TRIO: variants seen among roughly 807,000 people sequenced by gnomAD.
The protein encoded by TRIO is triple functional domain protein.
In TRIO, 58 loss-of-function variants were observed where a neutral mutation model predicts 351.9. The observed-to-expected ratio is 0.16, with a 90% CI of 0.13 to 0.21. The LOEUF is 0.21. TRIO is among the 10% of genes least tolerant of loss of function. The pLI is 1.00. For synonymous variants in TRIO, 1,758 were observed against 1,595.7 expected, an observed-to-expected ratio of 1.10 and a Z score of -2.42; for missense variants, 3,201 against 4,027.8, an observed-to-expected ratio of 0.79 and a Z score of 5.56.
At chr5:14,498,800 A>T in intron 53 of TRIO, 160 bp downstream of exon 53, 1 of 1,125,424 alleles carries the variant, frequency 8.9e-7, no homozygotes, top group South Asian at 1.6e-5. Flanking sequence ...AGCAGACCAG[A>T]GTGTCTGGGA....
At chr5:14,471,562 G>A (rs1754690836) in intron 38 of TRIO, 96 bp downstream of exon 38, 20 of 1,519,626 alleles carry the variant, frequency 1.3e-5, no homozygotes, top group South Asian at 2.5e-5. Context: ...CTGAATTACC[G>A]AGATGAGAAG....
At chr5:14,148,453 A>G (rs1787644318) in intron 1 of TRIO, among the ~76,000 whole-genome samples, 1 of 152,204 alleles carries the variant, frequency 6.6e-6, no homozygotes, top group African/African-American at 2.4e-5. Context: ...ATTCCAGAGA[A>G]AAGTCTAATT....
intron 2 of TRIO, among the ~76,000 whole-genome samples, chr5:14,276,870 G>A (rs2152274018): frequency 6.6e-6 from 1 of 152,326 alleles, no homozygotes; most frequent in Non-Finnish European, 1.5e-5. Context: ...GGAGTTTTAA[G>A]AAGAGGGAAA....
intron 1 of TRIO, among the ~76,000 whole-genome samples, chr5:14,242,930 G>C (rs1241976885): frequency 6.6e-6 from 1 of 152,204 alleles, no homozygotes; most frequent in Non-Finnish European, 1.5e-5. Context: ...CTCTACTCCG[G>C]AAGGTAAATT....
chr5:14,357,441 C>G (rs563090799), intron 11 of TRIO, among the ~76,000 whole-genome samples: 1 of 152,324 alleles, frequency 6.6e-6, no homozygotes, highest in South Asian at 2.1e-4. Flanking sequence ...AGGAAGTAGG[C>G]TCTGCTCCCT....
chr5:14,484,954 T>C, intron 46 of TRIO, 115 bp from the exon 47 acceptor site: 1 of 1,148,888 alleles, frequency 8.7e-7, no homozygotes, highest in South Asian at 2.1e-5. Context: ...TCATTAAGGC[T>C]GAAAAACTGT....
intron 35 of TRIO, among the ~76,000 whole-genome samples, chr5:14,462,205 G>A (rs1280487738): frequency 2.6e-5 from 4 of 152,228 alleles, no homozygotes; most frequent in East Asian, 3.8e-4. Context: ...TTTTGTTGCA[G>A]TGTGGGGGTT....
chr5:14,376,130 G>A (rs574329405), intron 19 of TRIO, among the ~76,000 whole-genome samples: 1 of 152,310 alleles, frequency 6.6e-6, no homozygotes. Flanking sequence ...TAGGCTGGAT[G>A]TAAATGCTGC....
rs1308369042 is a variant in TRIO at position 14,485,202 on chromosome 5, A to G, written c.6791A>G (p.His2264Arg). 3.2e-6 allele frequency: 5 copies of G among 1,586,240 alleles called. No individual in the cohort carries two copies. Among genetic ancestry groups the G allele is most frequent in the African/African-American group, 2.7e-5 (2 of 74,548 alleles). The change falls in exon 47 of 57, where the codon CAT becomes CGT. Residue 2264 changes from histidine to arginine, a missense_variant. Transcript: ENST00000344204. Reference sequence around the variant, plus strand: ...CCAAGTGTCCGGCAAACTTGGATCCATGAAATCAACCAAATTTTAGAAAAC... The same window carrying G: ...CCAAGTGTCCGGCAAACTTGGATCCGTGAAATCAACCAAATTTTAGAAAAC... Reference protein sequence around the residue: ...SSPSVRQTWIHEINQILENQR... With the variant: ...SSPSVRQTWIREINQILENQR...
rs1747835820 is a variant in TRIO, at chr5:14,398,867, T to C, written c.4424-13T>C. On this transcript the variant is annotated splice_polypyrimidine_tract_variant and intron_variant, in intron 29 of 56. Transcript: ENST00000344204. ...CTTTTAAATTGATTTGCCTCCCTTT[T>C]TTCATGTTGTAGGGTTTGATGAAAA... 1 of 1,579,462 alleles carries C rather than the reference T, an allele frequency of 6.3e-7. No individual in the cohort carries two copies.
At chr5:14,402,335 G>A (rs1748144687) in intron 31 of TRIO, among the ~76,000 whole-genome samples, 1 of 152,198 alleles carries the variant, frequency 6.6e-6, no homozygotes, top group Non-Finnish European at 1.5e-5. Context: ...TCATGGTACA[G>A]TTGACAAATA....
chr5:14,271,421 G>T (rs943237086), intron 2 of TRIO, among the ~76,000 whole-genome samples: 1 of 152,166 alleles, frequency 6.6e-6, no homozygotes, highest in Admixed American at 6.5e-5. Context: ...TTTACCAGCT[G>T]AGTCTGTTTC....
chr5:14,457,735 T>G (rs1753467200), intron 34 of TRIO, among the ~76,000 whole-genome samples: 2 of 152,100 alleles, frequency 1.3e-5, no homozygotes, highest in Non-Finnish European at 2.9e-5. Flanking sequence ...GGGAGGTCTG[T>G]GTGCTTCAGG....
chr5:14,350,438 T>C (rs568824269), intron 11 of TRIO, among the ~76,000 whole-genome samples: 3 of 152,288 alleles, frequency 2.0e-5, no homozygotes, highest in Admixed American at 1.3e-4. Flanking sequence ...CAAATTCTTC[T>C]TTTAGACTTG....
chr5:14,237,834 G>A (rs1383446680), intron 1 of TRIO, among the ~76,000 whole-genome samples: 1 of 152,174 alleles, frequency 6.6e-6, no homozygotes, highest in East Asian at 1.9e-4. Flanking sequence ...GTTACCAGCT[G>A]AGCCCAAAAC....
intron 1 of TRIO, among the ~76,000 whole-genome samples, chr5:14,178,804 T>G (rs748073374): frequency 3.3e-5 from 5 of 152,186 alleles, no homozygotes; most frequent in Non-Finnish European, 5.9e-5. Flanking sequence ...AGGAGAGTGG[T>G]CACAGGGGTG....
intron 30 of TRIO, 172 bp downstream of exon 30, chr5:14,399,242 A>T: frequency 1.5e-6 from 1 of 661,140 alleles, no homozygotes; most frequent in Non-Finnish European, 2.6e-6. Flanking sequence ...TCCCACCCTC[A>T]AGTCCACTAG....
intron 55 of TRIO, among the ~76,000 whole-genome samples, chr5:14,505,108 C>T (rs368761252): frequency 5.7e-4 from 87 of 152,380 alleles, no homozygotes; most frequent in African/African-American, 2.0e-3. Context: ...AGAGCTGCCC[C>T]TCTGGTCCCC....
intron 7 of TRIO, 155 bp downstream of exon 7, chr5:14,297,418 CT>C: frequency 3.5e-6 from 3 of 857,848 alleles, no homozygotes; most frequent in Non-Finnish European, 5.2e-6. Context: ...AATTCCAGCT[CT>C]TTTAGTCCTT....
Sources: gnomAD v4.1 joint callset for allele counts (sites outside exome capture counted in the v4.1 genomes callset) on GRCh38, gnomAD v4.1.1 for gene constraint, MANE v1.5 for transcripts, NCBI Gene and HGNC (gene_info 2026-07-23, HGNC 2026-07-21) for gene names.